Variants in UBR3 observed in about 807,000 individuals in gnomAD.
UBR3 encodes E3 ubiquitin-protein ligase UBR3.
UBR3 carries 85 observed loss-of-function variants against 243.2 expected under a neutral mutation model. That is an observed-to-expected ratio of 0.35 (90% confidence interval 0.29 to 0.42). The LOEUF (loss-of-function observed/expected upper bound fraction) is 0.42, where lower values mean the gene tolerates loss of function less well. Ranked by LOEUF, UBR3 falls within the 10% of genes least tolerant of loss-of-function variation. UBR3 has a pLI of 1.00. For missense variants in UBR3, 1,686 were observed against 2,300.8 expected (o/e 0.73, Z 5.47); for synonymous variants, 748 against 799.8 (o/e 0.94, Z 1.09).
chr2:169,983,710 C>T lies in UBR3; in HGVS notation c.3635-2935C>T, dbSNP rs546404872. ...TGGAGAATTGGGGCCATCTTGCGGTCATTTGGCTAAGTGTAATAGCATTCA... is the reference window on the plus strand; with the variant it reads ...TGGAGAATTGGGGCCATCTTGCGGTTATTTGGCTAAGTGTAATAGCATTCA... On this transcript the variant is annotated intron_variant, in intron 24 of 38. Coordinates refer to ENST00000272793, the MANE Select transcript of UBR3 (RefSeq NM_172070.4). 5.9e-5 allele frequency among the ~76,000 whole-genome samples: 9 copies of T among 152,258 alleles called. No individual in the cohort carries two copies. In the South Asian group the frequency reaches 1.7e-3, roughly 28 times the overall value.
At chr2:169,896,952 A>G (rs2084615234) in intron 8 of UBR3, among the ~76,000 whole-genome samples, 1 of 152,144 alleles carries the variant, frequency 6.6e-6, no homozygotes, top group South Asian at 2.1e-4. Context: ...ATCTTTGAAA[A>G]TTTCCAGTGA....
chr2:169,881,856 T>A (rs1251625724), intron 5 of UBR3, among the ~76,000 whole-genome samples: 1 of 136,728 alleles, frequency 7.3e-6, no homozygotes, highest in Non-Finnish European at 1.5e-5. Context: ...CATATACGTA[T>A]ATGTGTATAT....
rs1231244601 is a variant in UBR3 at position 169,924,125 on chromosome 2, A to G, written c.1974A>G (p.Pro658=). The change falls in exon 13 of 39, where the codon CCA becomes CCG. Residue 658 remains proline, a synonymous_variant. Coordinates refer to ENST00000272793, the MANE Select transcript of UBR3 (RefSeq NM_172070.4). ...AACTAGATTTGGATTCTGTTTTACCAGATCAGGAAATGTTAATGAAACTAA... is the reference window on the plus strand; with the variant it reads ...AACTAGATTTGGATTCTGTTTTACCGGATCAGGAAATGTTAATGAAACTAA... The part of the protein sequence containing the change: ...CQELDLDSVL[P]DQEMLMKLMI... 1 of 1,548,470 alleles carries G rather than the reference A, an allele frequency of 6.5e-7. No homozygotes were observed. The highest frequency in any genetic ancestry group is 2.5e-5 in the East Asian group (1 of 40,776).
intron 24 of UBR3, among the ~76,000 whole-genome samples, chr2:169,963,107 G>A (rs967473166): frequency 3.3e-5 from 5 of 152,132 alleles, no homozygotes; most frequent in African/African-American, 1.2e-4. Context: ...GCTGGTTTTT[G>A]TTGTTGTGGA....
intron 1 of UBR3, among the ~76,000 whole-genome samples, chr2:169,839,385 T>C (rs2082215751): frequency 6.6e-6 from 1 of 152,076 alleles, no homozygotes; most frequent in South Asian, 2.1e-4. Flanking sequence ...AGGAGGGGGA[T>C]AAAGATAAGT....
intron 1 of UBR3, among the ~76,000 whole-genome samples, chr2:169,852,422 TTATTGGAACATACC>T (rs2105293986): frequency 6.6e-6 from 1 of 152,322 alleles, no homozygotes; most frequent in African/African-American, 2.4e-5. Flanking sequence ...AAATAAAATG[TTATTGGAACATACC>T]ACACTAATTT....
intron 24 of UBR3, among the ~76,000 whole-genome samples, chr2:169,961,739 GT>G (rs2087583262): frequency 6.6e-6 from 1 of 151,952 alleles, no homozygotes; most frequent in East Asian, 1.9e-4. Context: ...TGACACATTT[GT>G]GATTATCTGA....
At chr2:169,865,062 G>A (rs1240773844) in intron 1 of UBR3, among the ~76,000 whole-genome samples, 1 of 152,120 alleles carries the variant, frequency 6.6e-6, no homozygotes, top group East Asian at 1.9e-4. Context: ...CTCCAGCCTG[G>A]GCAACAGAGT....
chr2:169,987,392 C>CAAAAAAAAAAA (rs563664122), intron 25 of UBR3, among the ~76,000 whole-genome samples: 9 of 65,796 alleles, frequency 1.4e-4, no homozygotes, highest in South Asian at 5.5e-4. Flanking sequence ...GACTCTGTCT[C>CAAAAAAAAAAA]AAAAAAAAAA....
rs1326966154 is a variant in UBR3, at chr2:169,877,505, A to G, written c.856A>G (p.Asn286Asp). The change falls in exon 4 of 39, where the codon AAT (asparagine) becomes GAT (aspartate). Residue 286 changes from asparagine to aspartate, a missense_variant. Physicochemically the swap from Asn to Asp is conservative, Grantham distance 23. Transcript: ENST00000272793. ...TTTGTTTTAATTAGGTCTTGGAGAA[A>G]ATGCTTGTGTAAAGAAAAGTCATGA... is the stretch of plus-strand genomic sequence containing the variant. ...YKDLTSGLGE[N>D]ACVKKSHEKY... is the part of the protein sequence containing the mutation. The G allele has an allele frequency of 1.3e-6, 2 of 1,527,356 alleles. No homozygotes were observed. The highest frequency in any genetic ancestry group is 8.8e-7 in the Non-Finnish European group (1 of 1,141,754). The allele number at this position is 1,527,356 out of a possible 1,614,324, so 94.6% of individuals were successfully genotyped here. A position where few individuals can be genotyped will look rare whatever the true frequency, so the allele number is the denominator to read the frequency against.
At position 169,964,986 on chromosome 2, in the gene UBR3, C is replaced by T. The variant is rs16857348; in HGVS notation, c.3634+6460C>T. 881 of 456,500 alleles carry T rather than the reference C, an allele frequency of 1.9e-3. 9 individuals carry two copies. The highest frequency in any genetic ancestry group is 0.016 in the African/African-American group (805 of 50,166). 28.3% of individuals were successfully genotyped at this position (456,500 alleles called of 1,614,324 possible). A position where few individuals can be genotyped will look rare whatever the true frequency, so the allele number is the denominator to read the frequency against. ...TGACAGGTGAGGCAATAAAGATTTA[C>T]GGGCATTTCATTTGTTTATGTTGGC... On this transcript the variant is annotated intron_variant, in intron 24 of 38. Coordinates refer to ENST00000272793, the MANE Select transcript of UBR3 (RefSeq NM_172070.4).
At chr2:169,840,658 T>C (rs901493066) in intron 1 of UBR3, among the ~76,000 whole-genome samples, 15 of 152,134 alleles carry the variant, frequency 9.9e-5, no homozygotes, top group African/African-American at 3.1e-4. Context: ...CCACTAGGCA[T>C]TGCCTTCGTG....
At chr2:169,955,182 C>T (rs1457683962) in intron 23 of UBR3, among the ~76,000 whole-genome samples, 2 of 152,172 alleles carry the variant, frequency 1.3e-5, no homozygotes, top group Non-Finnish European at 2.9e-5. Flanking sequence ...TAACTTTGAT[C>T]ATGTCTGCCA....
intron 16 of UBR3, 56 bp downstream of exon 16, chr2:169,927,027 C>T (rs2085935437): frequency 1.3e-6 from 2 of 1,522,554 alleles, no homozygotes; most frequent in Non-Finnish European, 1.8e-6. Flanking sequence ...CCTTTCTCCC[C>T]CTCCCTGTGG....
chr2:169,899,901 T>G (rs1196693492), intron 8 of UBR3, among the ~76,000 whole-genome samples: 13 of 151,638 alleles, frequency 8.6e-5, no homozygotes, highest in Non-Finnish European at 1.5e-5. Context: ...AGTCCATCAT[T>G]GATGGTCATT....
intron 1 of UBR3, among the ~76,000 whole-genome samples, chr2:169,841,207 C>T (rs1200271524): frequency 6.6e-6 from 1 of 152,164 alleles, no homozygotes; most frequent in East Asian, 1.9e-4. Flanking sequence ...TAAATTTCAT[C>T]TTCACCTCAT....
chr2:170,019,939 C>T (rs1443444980), intron 30 of UBR3, among the ~76,000 whole-genome samples: 1 of 151,950 alleles, frequency 6.6e-6, no homozygotes, highest in Non-Finnish European at 1.5e-5. Flanking sequence ...TCAGGCCCGA[C>T]TAATTTTTTA....
At chr2:169,969,170 T>C (rs185682033) in intron 24 of UBR3, among the ~76,000 whole-genome samples, 12 of 152,344 alleles carry the variant, frequency 7.9e-5, no homozygotes, top group Middle Eastern at 3.4e-3. Flanking sequence ...TTGTTTTCTT[T>C]GCTGTACAAA....
intron 10 of UBR3, among the ~76,000 whole-genome samples, chr2:169,910,808 C>T (rs937049774): frequency 1.3e-5 from 2 of 152,116 alleles, no homozygotes; most frequent in Admixed American, 6.5e-5. Flanking sequence ...TATAAGTAGA[C>T]GCTGAATTTG....
Sources: allele counts gnomAD v4.1 joint callset (sites outside exome capture counted in the v4.1 genomes callset), GRCh38; gene constraint gnomAD v4.1.1; transcripts MANE v1.5; gene names NCBI Gene and HGNC (gene_info 2026-07-23, HGNC 2026-07-21).